The following OXCT1 variants were observed in gnomAD, a reference collection of about 807,000 sequenced individuals.
The protein encoded by OXCT1 is succinyl-CoA:3-ketoacid coenzyme A transferase 1, mitochondrial.
Under a neutral mutation model 69.6 loss-of-function variants are expected in OXCT1, and 27 were observed. The observed-to-expected ratio is 0.39, with a 90% CI of 0.29 to 0.54. OXCT1 has a LOEUF of 0.54. OXCT1 is among the 20% of genes least tolerant of loss of function. The probability of loss-of-function intolerance (pLI) is 0.72; values close to 1 mark genes in which losing one functional copy is unlikely to be tolerated. For synonymous variants in OXCT1, 202 were observed against 217.8 expected (o/e 0.93, Z 0.64); for missense variants, 437 against 650.2 (o/e 0.67, Z 3.57).
chr5:41,847,307 C>G (rs1374467621), intron 5 of OXCT1, among the ~76,000 whole-genome samples: 4 of 152,022 alleles, frequency 2.6e-5, no homozygotes, highest in Admixed American at 6.6e-5. Context: ...CAACCAAAAA[C>G]AGTCCAGGAC....
chr5:41,735,174 C>A (rs947877558), intron 16 of OXCT1, among the ~76,000 whole-genome samples: 1 of 152,128 alleles, frequency 6.6e-6, no homozygotes, highest in African/African-American at 2.4e-5. Flanking sequence ...TTCACAGTAG[C>A]CAAGTGGTGG....
intron 8 of OXCT1, among the ~76,000 whole-genome samples, chr5:41,805,887 T>G (rs1389838490): frequency 3.9e-5 from 6 of 152,086 alleles, no homozygotes; most frequent in African/African-American, 1.4e-4. Flanking sequence ...AGTGGTCAGA[T>G]TTGTTTAAAG....
At chr5:41,866,309 T>C (rs1749973948) in intron 1 of OXCT1, among the ~76,000 whole-genome samples, 1 of 152,230 alleles carries the variant, frequency 6.6e-6, no homozygotes, top group African/African-American at 2.4e-5. Context: ...CTGTAGCAAA[T>C]TAACCCAGGT....
At chr5:41,773,939 A>C (rs2112150213) in intron 13 of OXCT1, among the ~76,000 whole-genome samples, 1 of 152,348 alleles carries the variant, frequency 6.6e-6, no homozygotes, top group East Asian at 1.9e-4. Context: ...ACCTAAGTTA[A>C]GGTACATGTT....
At chr5:41,845,917 G>A (rs1389226249) in intron 5 of OXCT1, among the ~76,000 whole-genome samples, 2 of 151,964 alleles carry the variant, frequency 1.3e-5, no homozygotes, top group Admixed American at 1.3e-4. Flanking sequence ...ATATTTTAAT[G>A]TAAAATTTAT....
intron 13 of OXCT1, among the ~76,000 whole-genome samples, chr5:41,777,674 A>T (rs1311480954): frequency 6.6e-6 from 1 of 152,248 alleles, no homozygotes; most frequent in Non-Finnish European, 1.5e-5. Context: ...TGTCCTATGT[A>T]CAATTTCTAA....
chr5:41,752,431 C>A (rs1164250180), intron 14 of OXCT1, among the ~76,000 whole-genome samples: 2 of 151,922 alleles, frequency 1.3e-5, no homozygotes, highest in Non-Finnish European at 2.9e-5. Context: ...TCAGAAAAGG[C>A]AGAGAAATAG....
At chr5:41,862,501 T>C (rs1482804624) in intron 2 of OXCT1, 141 bp downstream of exon 2, 2 of 595,688 alleles carry the variant, frequency 3.4e-6, no homozygotes, top group Admixed American at 2.8e-5. Context: ...ACTAATAAAA[T>C]AGATGATATT....
rs1360902771 is a variant in OXCT1, at chr5:41,767,714, ATG to A, written c.1249-5516_1249-5515del. Among the ~76,000 whole-genome samples the A allele has an allele frequency of 5.6e-3, 312 of 56,142 alleles. 7 individuals carry two copies. The highest frequency in any genetic ancestry group is 0.017 in the African/African-American group (289 of 16,602). The allele number at this position is 56,142 out of a possible 152,430, so 36.8% of individuals were successfully genotyped here. A position where few individuals can be genotyped will look rare whatever the true frequency, so the allele number is the denominator to read the frequency against. On this transcript the variant is annotated intron_variant, in intron 13 of 16. Transcript: ENST00000196371. ...TATATCTATCTAGTATCTAATATAT[ATG>A]TGTGTGTATATATATATATATATAT...
At chr5:41,807,696 T>G (rs1412000431) in intron 7 of OXCT1, among the ~76,000 whole-genome samples, 1 of 152,066 alleles carries the variant, frequency 6.6e-6, no homozygotes, top group Non-Finnish European at 1.5e-5. Context: ...TAGTCTTTGC[T>G]TAAAAGAGTC....
At chr5:41,861,699 GT>G (rs1198409679) in intron 2 of OXCT1, among the ~76,000 whole-genome samples, 1 of 152,106 alleles carries the variant, frequency 6.6e-6, no homozygotes, top group Non-Finnish European at 1.5e-5. Flanking sequence ...TATATCTATT[GT>G]TTTCCTGCTT....
chr5:41,842,696 C>T lies in OXCT1; in HGVS notation c.650G>A (p.Arg217Gln), dbSNP rs142383658. The T allele has an allele frequency of 3.1e-6, 5 of 1,612,894 alleles. No individual in the cohort carries two copies. The highest frequency in any genetic ancestry group is 1.1e-5 in the South Asian group (1 of 91,052). The change falls in exon 6 of 17, where the codon CGA becomes CAA. Residue 217 changes from arginine (R) to glutamine (Q), a missense_variant. Physicochemically the swap from Arg to Gln is conservative, Grantham distance 43 (BLOSUM62 1). Coordinates refer to ENST00000196371, the MANE Select transcript of OXCT1 (RefSeq NM_000436.4). Reference sequence around the variant, plus strand: ...ATACCTGAAAATCACGTTTCCTGCTCGGTCCGCCTTCCAGGCTTTCACCAA... The same window carrying T: ...ATACCTGAAAATCACGTTTCCTGCTTGGTCCGCCTTCCAGGCTTTCACCAA... ...FALVKAWKAD[R>Q]AGNVIFRKSA... is the part of the protein sequence containing the mutation.
intron 10 of OXCT1, 45 bp downstream of exon 10, chr5:41,803,024 A>G: frequency 1.5e-6 from 2 of 1,311,038 alleles, no homozygotes; most frequent in Non-Finnish European, 2.2e-6. Context: ...GAAATATCTC[A>G]TTCTTCATTA....
chr5:41,781,116 G>T (rs1169226379), intron 13 of OXCT1, among the ~76,000 whole-genome samples: 2 of 151,984 alleles, frequency 1.3e-5, no homozygotes, highest in Non-Finnish European at 2.9e-5. Flanking sequence ...TGTTAGCCAG[G>T]ATGGTCTTGA....
At position 41,859,889 on chromosome 5, in the gene OXCT1, A is replaced by T. The variant is rs1371484758; in HGVS notation, c.278+1425T>A. On this transcript the variant is annotated intron_variant, in intron 3 of 16. Coordinates refer to ENST00000196371, the MANE Select transcript of OXCT1 (RefSeq NM_000436.4). ...AATATATATATATATATATATATGT[A>T]ATATATATATATATATATACACACA... Among the ~76,000 whole-genome samples the T allele has an allele frequency of 1.6e-3, 146 of 88,658 alleles. 3 individuals carry two copies. The highest frequency in any genetic ancestry group is 2.5e-3 in the Non-Finnish European group (91 of 36,198). 58.2% of individuals were successfully genotyped at this position (88,658 alleles called of 152,430 possible). A position where few individuals can be genotyped will look rare whatever the true frequency, so the allele number is the denominator to read the frequency against.
At chr5:41,840,028 A>T (rs1748550723) in intron 7 of OXCT1, among the ~76,000 whole-genome samples, 1 of 152,230 alleles carries the variant, frequency 6.6e-6, no homozygotes, top group Admixed American at 6.5e-5. Context: ...GAATTGAACC[A>T]CATCAAAGTA....
intron 6 of OXCT1, among the ~76,000 whole-genome samples, chr5:41,840,831 T>C (rs949149226): frequency 3.9e-5 from 6 of 152,226 alleles, no homozygotes; most frequent in African/African-American, 1.4e-4. Flanking sequence ...TTAATTTCCC[T>C]TAATCTTTTA....
intron 13 of OXCT1, among the ~76,000 whole-genome samples, chr5:41,780,566 A>G (rs1307550007): frequency 6.6e-6 from 1 of 151,588 alleles, no homozygotes; most frequent in Non-Finnish European, 1.5e-5. Context: ...ATTTTCAGAT[A>G]AGAGAATTGT....
chr5:41,785,475 GA>G (rs1745598405), intron 13 of OXCT1, among the ~76,000 whole-genome samples: 1 of 152,192 alleles, frequency 6.6e-6, no homozygotes, highest in Non-Finnish European at 1.5e-5. Context: ...TTACTTAAAA[GA>G]CAGTTGACTG....
Sources: allele counts gnomAD v4.1 joint callset (sites outside exome capture counted in the v4.1 genomes callset), GRCh38; gene constraint gnomAD v4.1.1; transcripts MANE v1.5; gene names NCBI Gene and HGNC (gene_info 2026-07-23, HGNC 2026-07-21).